Variants in NRG1 observed in about 807,000 individuals in gnomAD.
NRG1 encodes the protein neuregulin 1.
Under a neutral mutation model 63.8 loss-of-function variants are expected in NRG1, and 18 were observed. The observed-to-expected ratio is 0.28, with a 90% CI of 0.19 to 0.42. The LOEUF (loss-of-function observed/expected upper bound fraction) is 0.42. Ranked by LOEUF, NRG1 falls within the 10% of genes least tolerant of loss-of-function variation. NRG1 has a pLI of 1.00. For synonymous variants in NRG1, 302 were observed against 301.3 expected, an observed-to-expected ratio of 1.00 and a Z score of -0.02; for missense variants, 762 against 814.7, an observed-to-expected ratio of 0.94 and a Z score of 0.79.
intron 1 of NRG1, among the ~76,000 whole-genome samples, chr8:31,644,218 A>T (rs1160933660): frequency 6.6e-6 from 1 of 152,210 alleles, no homozygotes; most frequent in Middle Eastern, 3.2e-3. Flanking sequence ...GTAAATACAC[A>T]TGTAAATTTA....
At chr8:31,837,860 G>A (rs1825828372) in intron 1 of NRG1, among the ~76,000 whole-genome samples, 1 of 151,966 alleles carries the variant, frequency 6.6e-6, no homozygotes, top group Non-Finnish European at 1.5e-5. Context: ...TATGTACTGT[G>A]TTTTCTTTAT....
At chr8:32,702,017 A>G (rs560096077) in intron 5 of NRG1, among the ~76,000 whole-genome samples, 1 of 152,260 alleles carries the variant, frequency 6.6e-6, no homozygotes, top group Admixed American at 6.5e-5. Context: ...TATCCTTCTC[A>G]GATGACTCTT....
At chr8:31,928,816 A>G (rs1270256944) in intron 1 of NRG1, among the ~76,000 whole-genome samples, 1 of 152,212 alleles carries the variant, frequency 6.6e-6, no homozygotes, top group Non-Finnish European at 1.5e-5. Context: ...AATGAGAGCT[A>G]TAGGTATTTA....
intron 1 of NRG1, among the ~76,000 whole-genome samples, chr8:32,292,402 A>T (rs957774558): frequency 6.6e-6 from 1 of 152,222 alleles, no homozygotes; most frequent in Non-Finnish European, 1.5e-5. Context: ...AGAAAACCAT[A>T]TGTGATAGAT....
At chr8:32,516,476 A>C (rs952782340) in intron 1 of NRG1, among the ~76,000 whole-genome samples, 1 of 152,192 alleles carries the variant, frequency 6.6e-6, no homozygotes, top group African/African-American at 2.4e-5. Flanking sequence ...TGATGTTGGT[A>C]GTTTGGTAAG....
intron 1 of NRG1, among the ~76,000 whole-genome samples, chr8:32,207,619 C>A (rs1191795405): frequency 6.6e-6 from 1 of 152,110 alleles, no homozygotes; most frequent in African/African-American, 2.4e-5. Context: ...CAAAACTATG[C>A]AAACATCATA....
intron 1 of NRG1, among the ~76,000 whole-genome samples, chr8:31,760,081 A>G (rs1298713569): frequency 3.3e-5 from 5 of 152,178 alleles, no homozygotes; most frequent in African/African-American, 4.8e-5. Flanking sequence ...GATTGGAATC[A>G]ACTTTGTCCA....
intron 1 of NRG1, among the ~76,000 whole-genome samples, chr8:31,685,540 A>T (rs985460995): frequency 1.3e-5 from 2 of 152,180 alleles, no homozygotes; most frequent in African/African-American, 2.4e-5. Flanking sequence ...CCATCTACAT[A>T]AAGTGTACAA....
intron 1 of NRG1, among the ~76,000 whole-genome samples, chr8:32,536,768 CA>C (rs1832011374): frequency 6.6e-6 from 1 of 151,112 alleles, no homozygotes; most frequent in Non-Finnish European, 1.5e-5. Context: ...TAAAAAAATA[CA>C]AAAAATTAGC....
chr8:32,438,621 CA>C (rs1204038597), intron 1 of NRG1, among the ~76,000 whole-genome samples: 2 of 152,074 alleles, frequency 1.3e-5, no homozygotes, highest in African/African-American at 4.8e-5. Context: ...AAATATTTTC[CA>C]AAATTAGATG....
chr8:32,590,203 CT>C, intron 1 of NRG1, among the ~76,000 whole-genome samples: 1 of 152,270 alleles, frequency 6.6e-6, no homozygotes, highest in South Asian at 2.1e-4. Flanking sequence ...AAAGGCTGTT[CT>C]TTGCACTGGA....
chr8:32,758,797 T>G (rs1291958423), intron 9 of NRG1, among the ~76,000 whole-genome samples: 4 of 152,094 alleles, frequency 2.6e-5, no homozygotes, highest in African/African-American at 9.7e-5. Context: ...TAGGGCAACA[T>G]GGGCACTAGG....
At chr8:32,489,840 A>G (rs929978729) in intron 1 of NRG1, among the ~76,000 whole-genome samples, 2 of 152,194 alleles carry the variant, frequency 1.3e-5, no homozygotes, top group Non-Finnish European at 2.9e-5. Context: ...AGGCTCTTCC[A>G]GAACATTGTA....
intron 1 of NRG1, among the ~76,000 whole-genome samples, chr8:31,974,375 GC>G (rs1463094401): frequency 6.6e-6 from 1 of 151,992 alleles, no homozygotes; most frequent in Non-Finnish European, 1.5e-5. Flanking sequence ...TACCTATGTT[GC>G]CCAAGCTGAT....
At chr8:32,149,509 C>T (rs1222204593) in intron 1 of NRG1, among the ~76,000 whole-genome samples, 1 of 117,246 alleles carries the variant, frequency 8.5e-6, no homozygotes, top group African/African-American at 2.6e-5. Flanking sequence ...CTGCACTGAA[C>T]AAATCATTTA....
At chr8:32,286,175 GT>G (rs1375026471) in intron 1 of NRG1, among the ~76,000 whole-genome samples, 14 of 152,186 alleles carry the variant, frequency 9.2e-5, no homozygotes, top group African/African-American at 3.4e-4. Context: ...GGCCCGTTGA[GT>G]TTTATCAGCT....
intron 1 of NRG1, among the ~76,000 whole-genome samples, chr8:31,721,066 T>C (rs981166320): frequency 1.3e-5 from 2 of 152,162 alleles, no homozygotes; most frequent in Non-Finnish European, 2.9e-5. Context: ...GTGAAGCAAG[T>C]GATAGGAGCT....
chr8:31,919,423 T>G lies in NRG1; in HGVS notation c.37+279992T>G, dbSNP rs118106586. 3.0e-4 allele frequency among the ~76,000 whole-genome samples: 46 copies of G among 152,060 alleles called. 1 individual carries two copies. The South Asian group carries it at 8.1e-3, about 27-fold the overall frequency. On this transcript the variant is annotated intron_variant, in intron 1 of 10. Coordinates refer to the NRG1 transcript ENST00000519301. Reference sequence around the variant, plus strand: ...TTTCATTTGTTCTTCAATTTAGCATTGAAATATTAAATCCAAAAGACAACT... The same window carrying G: ...TTTCATTTGTTCTTCAATTTAGCATGGAAATATTAAATCCAAAAGACAACT...
At chr8:32,069,805 T>G (rs1272489106) in intron 1 of NRG1, among the ~76,000 whole-genome samples, 3 of 152,192 alleles carry the variant, frequency 2.0e-5, no homozygotes, top group African/African-American at 7.2e-5. Context: ...ATCCTTCACC[T>G]GAGAATGACT....
Sources: gnomAD v4.1 joint callset for allele counts (sites outside exome capture counted in the v4.1 genomes callset) on GRCh38, gnomAD v4.1.1 for gene constraint, MANE v1.5 for transcripts, NCBI Gene and HGNC (gene_info 2026-07-23, HGNC 2026-07-21) for gene names.